The following EBF2 variants were observed in gnomAD, a reference collection of about 807,000 sequenced individuals.
The protein encoded by EBF2 is transcription factor COE2.
Under a neutral mutation model 72.8 loss-of-function variants are expected in EBF2, and 21 were observed. The observed-to-expected ratio is 0.29, with a 90% CI of 0.20 to 0.42. The LOEUF (loss-of-function observed/expected upper bound fraction) is 0.42. Ranked by LOEUF, EBF2 falls within the 10% of genes least tolerant of loss-of-function variation. The pLI, the probability that EBF2 is intolerant of heterozygous loss-of-function variation, is 1.00. For synonymous variants in EBF2, 299 were observed against 274.2 expected, an observed-to-expected ratio of 1.09 and a Z score of -0.89; for missense variants, 637 against 731.2, an observed-to-expected ratio of 0.87 and a Z score of 1.49.
intron 1 of EBF2, among the ~76,000 whole-genome samples, chr8:26,042,532 G>A (rs527786095): frequency 2.0e-5 from 3 of 152,200 alleles, no homozygotes; most frequent in Admixed American, 2.0e-4. Flanking sequence ...CCCGTCTTTA[G>A]TCGAAACCGA....
intron 6 of EBF2, among the ~76,000 whole-genome samples, chr8:25,939,959 T>C (rs1803642455): frequency 6.6e-6 from 1 of 152,184 alleles, no homozygotes; most frequent in Non-Finnish European, 1.5e-5. Flanking sequence ...CCCATCATGA[T>C]AAAGAACCCA....
At chr8:25,909,259 A>T (rs1206082003) in intron 6 of EBF2, among the ~76,000 whole-genome samples, 1 of 152,184 alleles carries the variant, frequency 6.6e-6, no homozygotes, top group Non-Finnish European at 1.5e-5. Flanking sequence ...TGCAATTTTA[A>T]AATTGGGCAT....
At chr8:26,031,156 G>T (rs1805396949) in intron 6 of EBF2, among the ~76,000 whole-genome samples, 1 of 152,128 alleles carries the variant, frequency 6.6e-6, no homozygotes, top group African/African-American at 2.4e-5. Context: ...ACAGTCATGA[G>T]GTTAGAGTAC....
intron 6 of EBF2, among the ~76,000 whole-genome samples, chr8:26,002,907 C>A (rs1473334371): frequency 3.2e-4 from 2 of 6,334 alleles, no homozygotes; most frequent in Admixed American, 1.5e-3. Flanking sequence ...GGCGGGCAGG[C>A]GGGCAGGCGG....
At chr8:25,964,333 T>C (rs1804081235) in intron 6 of EBF2, among the ~76,000 whole-genome samples, 2 of 152,148 alleles carry the variant, frequency 1.3e-5, no homozygotes. Context: ...AACCAATCAA[T>C]TAATCCAAGT....
chr8:25,894,971 C>T (rs1802843322), intron 7 of EBF2, among the ~76,000 whole-genome samples: 1 of 152,206 alleles, frequency 6.6e-6, no homozygotes, highest in South Asian at 2.1e-4. Context: ...GTCACCTAGA[C>T]CTGATAACGT....
At chr8:25,935,222 C>T (rs1374586269) in intron 6 of EBF2, among the ~76,000 whole-genome samples, 1 of 151,526 alleles carries the variant, frequency 6.6e-6, no homozygotes, top group Non-Finnish European at 1.5e-5. Context: ...CAGTTGGTGC[C>T]AAATACAGTT....
At position 25,898,464 on chromosome 8, in the gene EBF2, C is replaced by A. The variant is rs118148822; in HGVS notation, c.634-8595G>T. Among the ~76,000 whole-genome samples, 344 of 141,162 alleles carry A rather than the reference C, an allele frequency of 2.4e-3. 14 individuals carry two copies. The East Asian group carries it at 0.058, about 24-fold the overall frequency. The allele number at this position is 141,162 out of a possible 152,430, so 92.6% of individuals were successfully genotyped here. ...CCAGTGGCAATTAAAAAAAAAAAAA[C>A]CAGCTTTTCATGTCATTGAGGAGTG... On this transcript the variant is annotated intron_variant, in intron 7 of 15. Transcript: ENST00000520164.
intron 6 of EBF2, among the ~76,000 whole-genome samples, chr8:25,963,126 G>C (rs1183188607): frequency 6.6e-6 from 1 of 152,168 alleles, no homozygotes; most frequent in East Asian, 1.9e-4. Context: ...CCTTTCAAGG[G>C]CATCAGTTTG....
intron 6 of EBF2, among the ~76,000 whole-genome samples, chr8:25,986,000 T>TAAAAAAA (rs1804445550): frequency 1.2e-3 from 3 of 2,518 alleles, no homozygotes; most frequent in Admixed American, 4.6e-3. Flanking sequence ...AAACTCTGTC[T>TAAAAAAA]CAAAAAAAAA....
intron 6 of EBF2, among the ~76,000 whole-genome samples, chr8:25,965,778 C>T (rs1160707905): frequency 6.6e-6 from 1 of 152,226 alleles, no homozygotes; most frequent in Non-Finnish European, 1.5e-5. Context: ...TTGAGGCAGT[C>T]ACCACAGCTC....
chr8:25,978,637 G>A (rs1220240619), intron 6 of EBF2, among the ~76,000 whole-genome samples: 2 of 152,144 alleles, frequency 1.3e-5, no homozygotes, highest in Admixed American at 1.3e-4. Flanking sequence ...CTGGCTGCAG[G>A]TTCAGAACCT....
chr8:25,845,005 C>G (rs1275256839), intron 15 of EBF2, among the ~76,000 whole-genome samples: 2 of 152,180 alleles, frequency 1.3e-5, no homozygotes, highest in Admixed American at 1.3e-4. Flanking sequence ...GATTATACTG[C>G]TCCAAATCAC....
chr8:26,040,175 C>G, intron 4 of EBF2, 74 bp from the exon 5 acceptor site: 1 of 1,473,152 alleles, frequency 6.8e-7, no homozygotes, highest in Non-Finnish European at 9.5e-7. Context: ...GACTTCAGAA[C>G]AAGCACAACA....
intron 6 of EBF2, among the ~76,000 whole-genome samples, chr8:25,967,981 A>C (rs1804139700): frequency 6.6e-6 from 1 of 152,236 alleles, no homozygotes; most frequent in Admixed American, 6.5e-5. Context: ...TATGTACTCA[A>C]GAGTTTGTAG....
At position 25,889,737 on chromosome 8, in the gene EBF2, C is replaced by T. The variant is rs759817066; in HGVS notation, c.751+15G>A. 29 of 1,593,766 alleles carry T rather than the reference C, an allele frequency of 1.8e-5. No homozygotes were observed. The highest frequency in any genetic ancestry group is 7.7e-5 in the South Asian group (7 of 90,638). ...AATTTCATGTGTCTGCTATGCTGAG[C>T]GCAGGCAGCCCTACCTTCCGATGGA... On this transcript the variant is annotated intron_variant, in intron 8 of 15. Transcript: ENST00000520164.
chr8:25,903,249 G>T (rs1314951578), intron 7 of EBF2, among the ~76,000 whole-genome samples: 2 of 149,182 alleles, frequency 1.3e-5, no homozygotes, highest in Admixed American at 1.3e-4. Context: ...CCCCAAGCAG[G>T]TCTCAAACTC....
In EBF2 at chr8:25,884,914, G is replaced by C. The variant is rs115184646; in HGVS notation, c.1009+1841C>G. ...GACACTTTAACAAGAGTAGGAATCAGAGCGCAAATGAGAGACTACACTATC... is the reference window on the plus strand; with the variant it reads ...GACACTTTAACAAGAGTAGGAATCACAGCGCAAATGAGAGACTACACTATC... On this transcript the variant is annotated intron_variant, in intron 10 of 15. Coordinates refer to ENST00000520164, the MANE Select transcript of EBF2 (RefSeq NM_022659.4). Among the ~76,000 whole-genome samples the C allele has an allele frequency of 5.9e-3, 895 of 152,140 alleles. 11 individuals carry two copies. The highest frequency in any genetic ancestry group is 0.02 in the African/African-American group (832 of 41,498).
intron 5 of EBF2, among the ~76,000 whole-genome samples, chr8:26,033,522 G>C (rs1191198278): frequency 6.6e-6 from 1 of 152,226 alleles, no homozygotes; most frequent in Admixed American, 6.5e-5. Context: ...GAGCTGTAGT[G>C]CCTGGCCACA....
Sources: allele counts gnomAD v4.1 joint callset (sites outside exome capture counted in the v4.1 genomes callset), GRCh38; gene constraint gnomAD v4.1.1; transcripts MANE v1.5; gene names NCBI Gene and HGNC (gene_info 2026-07-23, HGNC 2026-07-21).